Variants in NRG1 observed in about 807,000 individuals in gnomAD.
NRG1 encodes the protein pro-neuregulin-1, membrane-bound isoform.
In NRG1, 18 loss-of-function variants were observed where a neutral mutation model predicts 63.8. The observed-to-expected ratio is 0.28, with a 90% CI of 0.19 to 0.42. The LOEUF (loss-of-function observed/expected upper bound fraction) is 0.42. Ranked by LOEUF, NRG1 falls within the 10% of genes least tolerant of loss-of-function variation. NRG1 has a pLI of 1.00. For missense variants in NRG1, 762 were observed against 814.7 expected (o/e 0.94, Z 0.79); for synonymous variants, 302 against 301.3 (o/e 1.00, Z -0.02).
intron 1 of NRG1, among the ~76,000 whole-genome samples, chr8:32,414,919 G>T (rs980817122): frequency 1.3e-5 from 2 of 152,048 alleles, no homozygotes; most frequent in Admixed American, 1.3e-4. Flanking sequence ...AACTCCCTGG[G>T]CTTAGTAGTG....
chr8:32,046,708 T>C (rs965429055), intron 1 of NRG1, among the ~76,000 whole-genome samples: 7 of 151,954 alleles, frequency 4.6e-5, no homozygotes, highest in Admixed American at 3.3e-4. Flanking sequence ...TACCATATCA[T>C]ATAGAATTTC....
intron 4 of NRG1, 106 bp downstream of exon 4, chr8:32,614,670 T>C (rs1847008256): frequency 2.0e-6 from 2 of 991,956 alleles, no homozygotes; most frequent in Non-Finnish European, 3.1e-6. Context: ...ACCTCTCAGC[T>C]GCTCTTGTTT....
chr8:32,352,628 C>T (rs531351197), intron 1 of NRG1, among the ~76,000 whole-genome samples: 3 of 152,138 alleles, frequency 2.0e-5, no homozygotes, highest in South Asian at 4.1e-4. Context: ...CACCTGTACT[C>T]CCAGCACTTT....
At chr8:31,701,424 A>G (rs143211956) in intron 1 of NRG1, among the ~76,000 whole-genome samples, 99 of 152,320 alleles carry the variant, frequency 6.5e-4, no homozygotes, top group Middle Eastern at 6.8e-3. Flanking sequence ...TCTTATGAAC[A>G]TACATATTCC....
At chr8:32,272,619 A>C (rs1189392308) in intron 1 of NRG1, among the ~76,000 whole-genome samples, 2 of 152,190 alleles carry the variant, frequency 1.3e-5, no homozygotes, top group Non-Finnish European at 2.9e-5. Context: ...AGAACATTGG[A>C]TCAGGCATTG....
At chr8:31,671,931 T>C (rs549305910) in intron 1 of NRG1, among the ~76,000 whole-genome samples, 1 of 152,162 alleles carries the variant, frequency 6.6e-6, no homozygotes, top group Non-Finnish European at 1.5e-5. Flanking sequence ...TAAAAAAAGA[T>C]AGCAATATAG....
chr8:32,603,315 C>T (rs1450982488), intron 2 of NRG1, among the ~76,000 whole-genome samples: 1 of 152,044 alleles, frequency 6.6e-6, no homozygotes, highest in East Asian at 1.9e-4. Flanking sequence ...AGTCAGAGTA[C>T]AACAGCATAT....
At chr8:32,463,840 T>C (rs978162978) in intron 1 of NRG1, among the ~76,000 whole-genome samples, 2 of 138,340 alleles carry the variant, frequency 1.4e-5, no homozygotes, top group African/African-American at 5.2e-5. Context: ...AGCAAGACCA[T>C]CTTCACACAC....
chr8:32,188,361 C>G (rs761888552), intron 1 of NRG1, among the ~76,000 whole-genome samples: 5 of 152,136 alleles, frequency 3.3e-5, no homozygotes, highest in Non-Finnish European at 7.4e-5. Context: ...ACCACTACGC[C>G]CAGCTGGATT....
chr8:32,376,798 A>C (rs1467384292), intron 1 of NRG1, among the ~76,000 whole-genome samples: 4 of 152,192 alleles, frequency 2.6e-5, no homozygotes, highest in Admixed American at 2.0e-4. Context: ...AAGCAGTGAG[A>C]GCAAGTAAAT....
intron 1 of NRG1, among the ~76,000 whole-genome samples, chr8:32,030,950 T>G (rs1009802575): frequency 2.6e-5 from 4 of 152,126 alleles, no homozygotes; most frequent in African/African-American, 9.7e-5. Context: ...GAAAGATACT[T>G]CCCCAGGTCA....
intron 1 of NRG1, among the ~76,000 whole-genome samples, chr8:31,929,013 G>A (rs1834650156): frequency 6.6e-6 from 1 of 152,090 alleles, no homozygotes; most frequent in Non-Finnish European, 1.5e-5. Context: ...TATCCCTAAA[G>A]CTATTGAAAT....
chr8:31,652,979 CCTCTCCTCTCCTCTCCTCTCCTCT>C (rs1805021539), intron 1 of NRG1, among the ~76,000 whole-genome samples: 5 of 46,170 alleles, frequency 1.1e-4, no homozygotes, highest in East Asian at 5.9e-4. Context: ...CCTCTCCTCT[CCTCTCCTCTCCTCTCCTCTCCTCT>C]CCTCCCCTCC....
intron 1 of NRG1, among the ~76,000 whole-genome samples, chr8:31,934,501 C>T (rs1242551352): frequency 6.9e-6 from 1 of 145,612 alleles, no homozygotes; most frequent in Non-Finnish European, 1.5e-5. Context: ...TCTTGGCTCA[C>T]TGCAACCTCT....
chr8:31,975,182 G>A (rs1586193102), intron 1 of NRG1, among the ~76,000 whole-genome samples: 1 of 152,234 alleles, frequency 6.6e-6, no homozygotes, highest in Non-Finnish European at 1.5e-5. Context: ...ACAACATTAT[G>A]AGTCATGTAA....
intron 1 of NRG1, among the ~76,000 whole-genome samples, chr8:32,525,740 C>T (rs549982179): frequency 6.6e-6 from 1 of 152,254 alleles, no homozygotes; most frequent in Non-Finnish European, 1.5e-5. Context: ...CCCCTTTCCT[C>T]CTAGCTTCCT....
intron 5 of NRG1, among the ~76,000 whole-genome samples, chr8:32,707,044 T>G (rs977867003): frequency 1.3e-5 from 2 of 152,102 alleles, no homozygotes; most frequent in Non-Finnish European, 2.9e-5. Context: ...CTAAAAAATG[T>G]AAAAAGAAAT....
intron 1 of NRG1, among the ~76,000 whole-genome samples, chr8:32,428,342 C>CT (rs11415830): frequency 0.83 from 122,357 of 147,018 alleles, 51,806 homozygotes; most frequent in East Asian, 0.99. Flanking sequence ...TGAGTGAATT[C>CT]TTTTTTTTTT....
chr8:32,439,811 C>T (rs1484122991), intron 1 of NRG1, among the ~76,000 whole-genome samples: 1 of 149,350 alleles, frequency 6.7e-6, no homozygotes, highest in Non-Finnish European at 1.5e-5. Flanking sequence ...CACTCTATGG[C>T]CCAGGCTGGA....
Sources: gnomAD v4.1 joint callset for allele counts (sites outside exome capture counted in the v4.1 genomes callset) on GRCh38, gnomAD v4.1.1 for gene constraint, MANE v1.5 for transcripts, NCBI Gene and HGNC (gene_info 2026-07-23, HGNC 2026-07-21) for gene names.